Variants in SULT6B1 observed in about 807,000 individuals in gnomAD.
SULT6B1 encodes the protein sulfotransferase family 6B member 1, also known as sulfotransferase 6B1.
In SULT6B1, 44 loss-of-function variants were observed where a neutral mutation model predicts 37.2. The ratio of observed to expected loss-of-function variants is 1.18; its 90% CI spans 0.93 to 1.52. The LOEUF is 1.52. SULT6B1 is among the 40% of genes most tolerant of loss of function. The pLI is 0.00. For missense variants in SULT6B1, 450 were observed against 361.0 expected, an observed-to-expected ratio of 1.25 and a Z score of -2.00; for synonymous variants, 140 against 126.0, an observed-to-expected ratio of 1.11 and a Z score of -0.74.
chr2:37,194,164 T>C (rs1285574030), intron 1 of SULT6B1, among the ~76,000 whole-genome samples: 2 of 152,190 alleles, frequency 1.3e-5, no homozygotes, highest in Admixed American at 6.5e-5. Flanking sequence ...CTCATCCACA[T>C]TGACTGTCTG....
intron 1 of SULT6B1, 118 bp downstream of exon 1, chr2:37,188,324 A>G (rs911285646): frequency 1.3e-6 from 1 of 794,772 alleles, no homozygotes; most frequent in Non-Finnish European, 2.1e-6. Context: ...CCTCCTCCTC[A>G]CTGATGCTCA....
chr2:37,170,700 T>C (rs1676274326), intron 6 of SULT6B1, among the ~76,000 whole-genome samples: 2 of 133,618 alleles, frequency 1.5e-5, no homozygotes. Flanking sequence ...ATTGTGCCAC[T>C]GCATTCCAGC....
At chr2:37,170,480 AAAAT>A (rs1229129684) in intron 6 of SULT6B1, among the ~76,000 whole-genome samples, 1 of 149,128 alleles carries the variant, frequency 6.7e-6, no homozygotes, top group Non-Finnish European at 1.5e-5. Flanking sequence ...AAAAATATAT[AAAAT>A]AAATAAGAGA....
intron 3 of SULT6B1, among the ~76,000 whole-genome samples, chr2:37,181,352 C>T (rs1414348107): frequency 1.3e-5 from 2 of 152,160 alleles, no homozygotes; most frequent in African/African-American, 4.8e-5. Context: ...AAATTCCCCA[C>T]GTCAACGTCT....
chr2:37,181,680 C>G lies in SULT6B1; in HGVS notation c.402+1745G>C, dbSNP rs542436019. On this transcript the variant is annotated intron_variant, in intron 3 of 6. Transcript: ENST00000535679. Reference sequence around the variant, plus strand: ...TACAGATGTGAGCCACTGCATCCAGCCCCTGTTGCTCTTTTCTTGCCCTTA... The same window carrying G: ...TACAGATGTGAGCCACTGCATCCAGGCCCTGTTGCTCTTTTCTTGCCCTTA... 7.2e-5 allele frequency among the ~76,000 whole-genome samples: 11 copies of G among 152,294 alleles called. No homozygotes were observed. The South Asian group carries it at 2.1e-3, about 29-fold the overall frequency.
At chr2:37,171,120 G>A (rs1049383104) in intron 6 of SULT6B1, among the ~76,000 whole-genome samples, 13 of 152,028 alleles carry the variant, frequency 8.6e-5, no homozygotes, top group Admixed American at 5.9e-4. Context: ...GCGCCTGTTA[G>A]TCCCAGCTAC....
intron 1 of SULT6B1, among the ~76,000 whole-genome samples, chr2:37,195,104 C>T (rs1004176905): frequency 3.3e-5 from 5 of 152,070 alleles, no homozygotes; most frequent in African/African-American, 1.2e-4. Flanking sequence ...CATGCTCCAC[C>T]TCACCCAGCT....
intron 4 of SULT6B1, 67 bp from the exon 5 acceptor site, chr2:37,175,293 A>C (rs1304157266): frequency 2.4e-6 from 2 of 846,678 alleles, no homozygotes; most frequent in East Asian, 5.5e-5. Context: ...TCATTAATTT[A>C]TGCTATAAAA....
At chr2:37,174,266 AC>A (rs1676366689) in intron 5 of SULT6B1, among the ~76,000 whole-genome samples, 1 of 117,040 alleles carries the variant, frequency 8.5e-6, no homozygotes, top group Non-Finnish European at 1.6e-5. Context: ...ACAGGATCTC[AC>A]TCTGTCACCC....
Position 37,179,529 on chromosome 2 carries a change from T to G in SULT6B1, c.458A>C (p.His153Pro). The G allele has an allele frequency of 6.2e-7, 1 of 1,613,980 alleles. No homozygotes were observed. The highest frequency in any genetic ancestry group is 8.5e-7 in the Non-Finnish European group (1 of 1,179,924). ...GCTTGGAATATCGGGGACATCGTTG[T>G]GGAAATGCAAAAAAGATACTGCTGT... Reference protein sequence around the residue: ...KDTAVSFLHFHNDVPDIPSYG... With the variant: ...KDTAVSFLHFPNDVPDIPSYG... Residue 153 changes from histidine (H) to proline (P), a missense_variant, in exon 4 of 7, where the codon CAC (histidine) becomes CCC (proline). His to Pro is a moderately conservative substitution (Grantham distance 77, BLOSUM62 -2). Coordinates refer to ENST00000535679, the MANE Select transcript of SULT6B1 (RefSeq NM_001367551.1).
intron 2 of SULT6B1, among the ~76,000 whole-genome samples, chr2:37,185,731 A>C (rs1004452800): frequency 2.6e-5 from 4 of 151,420 alleles, no homozygotes; most frequent in African/African-American, 4.8e-5. Flanking sequence ...AAAAAAAAAA[A>C]AAAAAACAGA....
intron 2 of SULT6B1, 126 bp from the exon 3 acceptor site, chr2:37,183,640 C>T: frequency 1.5e-6 from 1 of 660,948 alleles, no homozygotes. Flanking sequence ...ATCTTCTCCT[C>T]CTCCTCCAAT....
intron 2 of SULT6B1, among the ~76,000 whole-genome samples, chr2:37,186,158 G>A (rs966718457): frequency 3.3e-5 from 5 of 152,162 alleles, no homozygotes; most frequent in Admixed American, 1.3e-4. Context: ...TCACCTTCCA[G>A]AAGCTGTTCC....
chr2:37,186,287 C>T (rs1676671987), intron 2 of SULT6B1, among the ~76,000 whole-genome samples: 1 of 152,138 alleles, frequency 6.6e-6, no homozygotes, highest in South Asian at 2.1e-4. Flanking sequence ...TGAATACAGC[C>T]TTCCCTTCCC....
intron 6 of SULT6B1, among the ~76,000 whole-genome samples, chr2:37,168,447 C>T (rs1330630468): frequency 5.3e-5 from 8 of 152,144 alleles, no homozygotes; most frequent in Non-Finnish European, 8.8e-5. Flanking sequence ...TGAGCTACTG[C>T]GCCCAGCCAA....
upstream of SULT6B1, among the ~76,000 whole-genome samples, chr2:37,191,990 C>T (rs1013887256): frequency 6.6e-6 from 1 of 152,168 alleles, no homozygotes; most frequent in East Asian, 1.9e-4. Context: ...GCATGGCCGG[C>T]CCAGCAGCGG....
In SULT6B1 at chr2:37,167,918, T is replaced by G. The variant is rs780859793; in HGVS notation, c.*17A>C. On this transcript the variant is annotated 3_prime_UTR_variant, in exon 7 of 7. Coordinates refer to ENST00000535679, the MANE Select transcript of SULT6B1 (RefSeq NM_001367551.1). ...TTATTAAGGAAAATAAATCTAGGCCTGCTGAATTGACTGGAATCAACCCTG... is the reference window on the plus strand; with the variant it reads ...TTATTAAGGAAAATAAATCTAGGCCGGCTGAATTGACTGGAATCAACCCTG... 1 of 1,554,058 alleles carries G rather than the reference T, an allele frequency of 6.4e-7. No individual in the cohort carries two copies. The highest frequency in any genetic ancestry group is 1.4e-5 in the African/African-American group (1 of 71,432).
chr2:37,195,350 G>A (rs573454149), intron 1 of SULT6B1, among the ~76,000 whole-genome samples: 2 of 152,306 alleles, frequency 1.3e-5, no homozygotes, highest in Admixed American at 1.3e-4. Flanking sequence ...TGGTCTGAAA[G>A]TTTTTGTTCT....
chr2:37,183,474 T>A lies in SULT6B1; in HGVS notation c.353A>T (p.His118Leu), dbSNP rs770921390. The A allele has an allele frequency of 6.2e-7, 1 of 1,614,044 alleles. No homozygotes were observed. The highest frequency in any genetic ancestry group is 1.1e-5 in the South Asian group (1 of 91,080). ...GFPSPRILAT[H>L]LHYDKLPGSI... is the part of the protein sequence containing the mutation. ...CCCAGGTAATTTGTCATAGTGGAGGTGAGTTGCCAAAATCCTTGGTGATGG... is the reference window on the plus strand; with the variant it reads ...CCCAGGTAATTTGTCATAGTGGAGGAGAGTTGCCAAAATCCTTGGTGATGG... Residue 118 changes from histidine to leucine, a missense_variant, in exon 3 of 7, where the codon CAC becomes CTC. Transcript: ENST00000535679.
Sources: gnomAD v4.1 joint callset for allele counts (sites outside exome capture counted in the v4.1 genomes callset) on GRCh38, gnomAD v4.1.1 for gene constraint, MANE v1.5 for transcripts, NCBI Gene and HGNC (gene_info 2026-07-23, HGNC 2026-07-21) for gene names.